COL4A1: variants seen among roughly 807,000 people sequenced by gnomAD.
COL4A1 encodes the protein collagen type IV alpha 1 chain.
A neutral mutation model predicts 216.6 loss-of-function variants in COL4A1; 40 were observed. That is an observed-to-expected ratio of 0.18 (90% CI 0.14 to 0.24). The LOEUF is 0.24. Ranked by LOEUF, COL4A1 falls within the 10% of genes least tolerant of loss-of-function variation. The pLI is 1.00. For synonymous variants in COL4A1, 839 were observed against 810.7 expected (o/e 1.03, Z -0.59); for missense variants, 1,628 against 2,196.8 (o/e 0.74, Z 5.18).
chr13:110,163,381 C>T (rs1169931095), intron 47 of COL4A1, 82 bp downstream of exon 47: 3 of 1,186,056 alleles, frequency 2.5e-6, no homozygotes, highest in Middle Eastern at 1.9e-4. Context: ...CTTCATTCTG[C>T]TGTTTCCCCA....
chr13:110,152,453 G>A lies in COL4A1; in HGVS notation c.4809C>T (p.Ser1603=). 1 of 1,614,090 alleles carries A rather than the reference G, an allele frequency of 6.2e-7. No homozygotes were observed. Among genetic ancestry groups the A allele is most frequent in the Non-Finnish European group, 8.5e-7 (1 of 1,180,042 alleles). Residue 1603 remains serine (S), a synonymous_variant, in exon 51 of 52, where the codon TCC becomes TCT. Coordinates refer to ENST00000375820, the MANE Select transcript of COL4A1 (RefSeq NM_001845.6). ...GCGCACTTCTAAACTCCTCCAGGCA[G>A]GAGCCGGGGGACGCCAGGGCTTGGC... is the stretch of plus-strand genomic sequence containing the variant. The part of the protein sequence containing the change: ...GSGQALASPG[S]CLEEFRSAPF...
intron 1 of COL4A1, among the ~76,000 whole-genome samples, chr13:110,306,104 T>C (rs915853892): frequency 7.2e-5 from 11 of 152,026 alleles, no homozygotes; most frequent in Non-Finnish European, 1.6e-4. Flanking sequence ...CAACAGTCAG[T>C]CCAGGCTTGT....
At chr13:110,201,366 CGAG>C in intron 19 of COL4A1, 69 bp downstream of exon 19, 1 of 1,047,662 alleles carries the variant, frequency 9.5e-7, no homozygotes, top group Non-Finnish European at 1.4e-6. Context: ...AGGAAGAGGA[CGAG>C]GAGGAGGAAG....
chr13:110,183,385 G>C (rs113414938), intron 26 of COL4A1, 109 bp from the exon 27 acceptor site: 1 of 983,524 alleles, frequency 1.0e-6, no homozygotes, highest in Admixed American at 2.0e-5. Flanking sequence ...CCAGCACCAC[G>C]AGTGCCCGGA....
rs962382129 is a variant in COL4A1 at position 110,211,887 on chromosome 13, A to T, written c.423T>A (p.Pro141=). ...ERGPLGPPGL[P]GFAGNPGPPG... ...TACTCACGGGATTTCCAGCGAAACC[A>T]GGCAAGCCAGGAGGCCCGAGCGGCC... is the stretch of plus-strand genomic sequence containing the variant. Residue 141 remains proline, a synonymous_variant, in exon 7 of 52, where the codon CCT becomes CCA. Coordinates refer to ENST00000375820, the MANE Select transcript of COL4A1 (RefSeq NM_001845.6). This position sits in a 1 kb window ranked among gnomAD's most constrained non-coding sequence, Gnocchi z 4.3. 3 of 1,614,178 alleles carry T rather than the reference A, an allele frequency of 1.9e-6. No homozygotes were observed. The highest frequency in any genetic ancestry group is 2.5e-6 in the Non-Finnish European group (3 of 1,180,026).
intron 1 of COL4A1, among the ~76,000 whole-genome samples, chr13:110,266,894 A>G (rs1349652456): frequency 6.6e-6 from 1 of 152,210 alleles, no homozygotes. Flanking sequence ...TTATTTGCAT[A>G]CTTCCTGACA....
chr13:110,176,855 G>C (rs778302925), intron 34 of COL4A1, 30 bp downstream of exon 34: 2 of 1,614,148 alleles, frequency 1.2e-6, no homozygotes, highest in East Asian at 2.2e-5. Flanking sequence ...GTGGTTCCGA[G>C]CTTGGCCATG....
intron 1 of COL4A1, among the ~76,000 whole-genome samples, chr13:110,294,100 C>A (rs971012725): frequency 2.0e-5 from 3 of 152,050 alleles, no homozygotes; most frequent in Non-Finnish European, 4.4e-5. Context: ...CTGGAGGAGA[C>A]GAGCCCCCAA....
At chr13:110,259,428 C>CA (rs1435388532) in intron 1 of COL4A1, among the ~76,000 whole-genome samples, 3 of 152,116 alleles carry the variant, frequency 2.0e-5, no homozygotes, top group Non-Finnish European at 4.4e-5. Flanking sequence ...AGCGTGTCTA[C>CA]AAAATCTAGG....
In COL4A1 at chr13:110,163,660, C is replaced by A. The variant is rs541156336; in HGVS notation, c.4151-99G>T. On this transcript the variant is annotated intron_variant, in intron 46 of 51. Coordinates refer to ENST00000375820, the MANE Select transcript of COL4A1 (RefSeq NM_001845.6). ...CCTTTTCAGTGTTCAAGGAGCCAAG[C>A]ATAAAGTCTCACTGCAGATGAGAAC... 11 of 1,160,390 alleles carry A rather than the reference C, an allele frequency of 9.5e-6. No homozygotes were observed. In the African/African-American group the frequency reaches 1.7e-4, roughly 18 times the overall value. 71.9% of individuals were successfully genotyped at this position (1,160,390 alleles called of 1,614,324 possible). A position where few individuals can be genotyped will look rare whatever the true frequency, so the allele number is the denominator to read the frequency against.
In COL4A1 at chr13:110,268,881, G is replaced by A. The variant is rs1407737108; in HGVS notation, c.85-26147C>T. Among the ~76,000 whole-genome samples the A allele has an allele frequency of 6.6e-6, 1 of 152,160 alleles. No individual in the cohort carries two copies. The highest frequency in any genetic ancestry group is 1.5e-5 in the Non-Finnish European group (1 of 68,014). Reference sequence around the variant, plus strand: ...GGACTTGTTTGAAGCAGTGAGAAGTGGAAAGGAACCCAAGGAGGAGGGAGT... The same window carrying A: ...GGACTTGTTTGAAGCAGTGAGAAGTAGAAAGGAACCCAAGGAGGAGGGAGT... On this transcript the variant is annotated intron_variant, in intron 1 of 51. Coordinates refer to ENST00000375820, the MANE Select transcript of COL4A1 (RefSeq NM_001845.6). The surrounding 1 kb of genome is among the most constrained non-coding windows in gnomAD (Gnocchi z 4.1).
rs775563545 is a variant in COL4A1, at chr13:110,177,917, T to C, written c.2641A>G (p.Met881Val). 3.7e-5 allele frequency: 59 copies of C among 1,614,110 alleles called. No individual in the cohort carries two copies. Among genetic ancestry groups the C allele is most frequent in the South Asian group, 1.1e-5 (1 of 91,074 alleles). ...IPGFPGSKGEMGVMGTPGQPG... is the reference protein window; with the variant it reads ...IPGFPGSKGEVGVMGTPGQPG... ...TGCCCGGGGGTCCCCATGACGCCCA[T>C]TTCTCCCTTGGAACCTGTGGCCAAA... Residue 881 changes from methionine (M) to valine (V), a missense_variant, in exon 33 of 52, where the codon ATG (methionine) becomes GTG (valine). This residue lies in a region of COL4A1 where 701 missense variants were observed against 892.5 expected (regional missense o/e 0.79). Transcript: ENST00000375820.
At chr13:110,261,392 G>T (rs567326813) in intron 1 of COL4A1, among the ~76,000 whole-genome samples, 1 of 152,202 alleles carries the variant, frequency 6.6e-6, no homozygotes, top group Non-Finnish European at 1.5e-5. Context: ...TCGGATTTGG[G>T]AGCCTGCTAA....
In COL4A1 at chr13:110,212,708, C is replaced by T. The variant is rs922641294; in HGVS notation, c.280-90G>A. ...TCTCCCCGGTTAATGGAGTCATGCC[C>T]TCATTTTTGGTGTCAGAACACACAC... On this transcript the variant is annotated intron_variant, in intron 4 of 51. Coordinates refer to ENST00000375820, the MANE Select transcript of COL4A1 (RefSeq NM_001845.6). The T allele has an allele frequency of 8.8e-6, 13 of 1,484,622 alleles. No individual in the cohort carries two copies. In the South Asian group the frequency reaches 1.3e-4, roughly 14 times the overall value. The allele number at this position is 1,484,622 out of a possible 1,614,324, so 92.0% of individuals were successfully genotyped here.
chr13:110,302,906 T>C (rs1884551161), intron 1 of COL4A1, among the ~76,000 whole-genome samples: 1 of 152,224 alleles, frequency 6.6e-6, no homozygotes, highest in Non-Finnish European at 1.5e-5. Context: ...CCAAACCTCC[T>C]TGTGAGACAT....
intron 17 of COL4A1, among the ~76,000 whole-genome samples, chr13:110,204,343 C>T (rs1371960981): frequency 6.6e-6 from 1 of 152,136 alleles, no homozygotes; most frequent in Non-Finnish European, 1.5e-5. Flanking sequence ...TTAGAAATAT[C>T]TAGAGGACAT....
chr13:110,256,919 T>C (rs1882603987), intron 1 of COL4A1, among the ~76,000 whole-genome samples: 1 of 152,188 alleles, frequency 6.6e-6, no homozygotes, highest in Non-Finnish European at 1.5e-5. Flanking sequence ...ATAGCAATCA[T>C]AGCTGTTCAT....
intron 8 of COL4A1, 89 bp from the exon 9 acceptor site, chr13:110,210,301 G>A (rs1879731323): frequency 1.6e-6 from 2 of 1,246,768 alleles, no homozygotes; most frequent in East Asian, 2.4e-5. Flanking sequence ...GCATATATTA[G>A]TGTTACAGGA....
intron 1 of COL4A1, among the ~76,000 whole-genome samples, chr13:110,276,712 C>A (rs1240714309): frequency 6.6e-6 from 1 of 152,200 alleles, no homozygotes; most frequent in African/African-American, 2.4e-5. Context: ...AAATGCTGGC[C>A]TTGAACCTGC....
Sources: gnomAD v4.1 joint callset for allele counts (sites outside exome capture counted in the v4.1 genomes callset) on GRCh38, gnomAD v4.1.1 for gene constraint, gnomAD v4.1.1 regional missense constraint, Gnocchi (gnomAD v3.1) non-coding constraint, MANE v1.5 for transcripts, NCBI Gene and HGNC (gene_info 2026-07-23, HGNC 2026-07-21) for gene names.